The following GPC6 variants were observed in gnomAD, a reference collection of about 807,000 sequenced individuals.
The protein encoded by GPC6 is glypican 6, also known as glypican-6.
Under a neutral mutation model 55.2 loss-of-function variants are expected in GPC6, and 14 were observed. The ratio of observed to expected loss-of-function variants is 0.25; its 90% CI spans 0.17 to 0.40. The LOEUF is 0.40. Among genes scored for constraint, GPC6 ranks in the 10% least tolerant of loss-of-function variants. GPC6 has a pLI of 1.00. For missense variants in GPC6, 641 were observed against 708.5 expected (o/e 0.90, Z 1.08); for synonymous variants, 278 against 259.6 (o/e 1.07, Z -0.68).
intron 3 of GPC6, among the ~76,000 whole-genome samples, chr13:93,923,058 C>T (rs1223626254): frequency 1.3e-5 from 2 of 152,124 alleles, no homozygotes; most frequent in African/African-American, 2.4e-5. Context: ...CAAAGAAAAA[C>T]AAAGAAAAGA....
Position 93,854,264 on chromosome 13 carries a change from A to T in GPC6, c.711+23719A>T, listed in dbSNP as rs116266090. On this transcript the variant is annotated intron_variant, in intron 3 of 8. Transcript: ENST00000377047. ...GAACAGCAATAATCTTTTTTCCTTC[A>T]TCCCATTTCTCGTTTGGAAATCTCT... is the stretch of plus-strand genomic sequence containing the variant. Among the ~76,000 whole-genome samples the T allele has an allele frequency of 4.4e-3, 661 of 151,784 alleles. 4 individuals are homozygous for T. Among genetic ancestry groups the T allele is most frequent in the African/African-American group, 0.015 (613 of 41,498 alleles).
intron 4 of GPC6, among the ~76,000 whole-genome samples, chr13:94,115,687 C>T (rs1176996892): frequency 6.6e-6 from 1 of 152,128 alleles, no homozygotes; most frequent in African/African-American, 2.4e-5. Context: ...GGCCCAGTAA[C>T]TGGAATTCCT....
chr13:93,284,699 ATTTAT>A (rs1455653430), intron 1 of GPC6, among the ~76,000 whole-genome samples: 1 of 152,212 alleles, frequency 6.6e-6, no homozygotes, highest in Non-Finnish European at 1.5e-5. Context: ...CATTCACTCC[ATTTAT>A]GGCAACAAAT....
chr13:93,493,678 C>G (rs1337896641), intron 1 of GPC6, among the ~76,000 whole-genome samples: 52 of 137,902 alleles, frequency 3.8e-4, no homozygotes, highest in Non-Finnish European at 7.1e-4. Flanking sequence ...AAATTTCCCT[C>G]TACACACTGC....
At chr13:93,579,068 G>A (rs1200116433) in intron 2 of GPC6, among the ~76,000 whole-genome samples, 2 of 152,070 alleles carry the variant, frequency 1.3e-5, no homozygotes, top group Non-Finnish European at 2.9e-5. Context: ...AAGATAGAGA[G>A]TAGATTGGTA....
At chr13:93,525,703 A>G (rs913137011) in intron 1 of GPC6, among the ~76,000 whole-genome samples, 3 of 152,148 alleles carry the variant, frequency 2.0e-5, no homozygotes, top group Non-Finnish European at 4.4e-5. Context: ...GCTTGAGGTC[A>G]GTCAATGGAT....
At chr13:94,079,814 GC>G (rs1462229093) in intron 4 of GPC6, among the ~76,000 whole-genome samples, 2 of 152,156 alleles carry the variant, frequency 1.3e-5, no homozygotes, top group African/African-American at 4.8e-5. Context: ...AGACTTTTAA[GC>G]TACCTGGATG....
In GPC6 at chr13:94,109,016, A is replaced by G. The variant is rs369551268; in HGVS notation, c.877+81122A>G. 4.6e-5 allele frequency among the ~76,000 whole-genome samples: 7 copies of G among 152,286 alleles called. No individual in the cohort carries two copies. In the East Asian group the frequency reaches 7.7e-4, roughly 17 times the overall value. On this transcript the variant is annotated intron_variant, in intron 4 of 8. Transcript: ENST00000377047. ...GCCCGAGTTTTATTTTTCAAATAAGATCACCTTTATTATGTTTCCCCTTTC... is the reference window on the plus strand; with the variant it reads ...GCCCGAGTTTTATTTTTCAAATAAGGTCACCTTTATTATGTTTCCCCTTTC...
At chr13:93,333,965 G>A (rs1174812504) in intron 1 of GPC6, among the ~76,000 whole-genome samples, 1 of 152,102 alleles carries the variant, frequency 6.6e-6, no homozygotes, top group Non-Finnish European at 1.5e-5. Context: ...ACTGCAGTGT[G>A]TTTCTTTTCT....
At chr13:93,299,920 T>C (rs1878618045) in intron 1 of GPC6, among the ~76,000 whole-genome samples, 1 of 152,166 alleles carries the variant, frequency 6.6e-6, no homozygotes, top group South Asian at 2.1e-4. Flanking sequence ...TATTCAGAAT[T>C]AATAAAGCAG....
intron 2 of GPC6, among the ~76,000 whole-genome samples, chr13:93,777,545 T>G (rs1423673744): frequency 6.6e-6 from 1 of 152,210 alleles, no homozygotes; most frequent in African/African-American, 2.4e-5. Context: ...ATTACTGGCT[T>G]GGGGAAAAGA....
At chr13:93,795,805 G>T (rs1057170501) in intron 2 of GPC6, among the ~76,000 whole-genome samples, 1 of 152,136 alleles carries the variant, frequency 6.6e-6, no homozygotes, top group South Asian at 2.1e-4. Flanking sequence ...GAACACTGCA[G>T]TATGTACTCA....
Position 93,545,249 on chromosome 13 carries a change from A to T in GPC6, c.161-14A>T, listed in dbSNP as rs1280043090. 3.7e-6 allele frequency: 6 copies of T among 1,607,524 alleles called. No individual in the cohort carries two copies. Among genetic ancestry groups the T allele is most frequent in the Non-Finnish European group, 5.1e-6 (6 of 1,174,150 alleles). On this transcript the variant is annotated splice_polypyrimidine_tract_variant and intron_variant, in intron 1 of 8. Coordinates refer to ENST00000377047, the MANE Select transcript of GPC6 (RefSeq NM_005708.5). ...CCTTAGAATGCAATAGTGACATTTA[A>T]CTTCTCATTGCAGGGGAACACTTAA...
chr13:93,244,658 T>A (rs1469437824), intron 1 of GPC6, among the ~76,000 whole-genome samples: 2 of 152,162 alleles, frequency 1.3e-5, no homozygotes, highest in Non-Finnish European at 2.9e-5. Context: ...AGCTCCCCCA[T>A]GGCCTGGATT....
chr13:93,711,422 T>G (rs542927654), intron 2 of GPC6, among the ~76,000 whole-genome samples: 1 of 151,722 alleles, frequency 6.6e-6, no homozygotes, highest in Non-Finnish European at 1.5e-5. Flanking sequence ...GACCTCCTAC[T>G]GCCCTCCCTC....
chr13:94,133,350 T>C (rs1001638825), intron 4 of GPC6, among the ~76,000 whole-genome samples: 2 of 142,834 alleles, frequency 1.4e-5, no homozygotes, highest in African/African-American at 5.2e-5. Context: ...ACTCTTAAAA[T>C]ATAAGATGTG....
At chr13:93,624,269 C>A (rs1177844538) in intron 2 of GPC6, among the ~76,000 whole-genome samples, 1 of 152,146 alleles carries the variant, frequency 6.6e-6, no homozygotes, top group Non-Finnish European at 1.5e-5. Flanking sequence ...GACCCAGTAA[C>A]TAGCAGCACA....
intron 1 of GPC6, among the ~76,000 whole-genome samples, chr13:93,339,783 T>C (rs7339245): frequency 0.074 from 11,198 of 152,242 alleles, 519 homozygotes; most frequent in East Asian, 0.12. Flanking sequence ...TAATGTTTTG[T>C]GAAATACAGG....
intron 1 of GPC6, among the ~76,000 whole-genome samples, chr13:93,459,357 T>C (rs1230880562): frequency 1.3e-5 from 2 of 152,272 alleles, no homozygotes; most frequent in Non-Finnish European, 2.9e-5. Flanking sequence ...TGAGCCAACA[T>C]GTCTGGCCTA....
Sources: gnomAD v4.1 joint callset for allele counts (sites outside exome capture counted in the v4.1 genomes callset) on GRCh38, gnomAD v4.1.1 for gene constraint, MANE v1.5 for transcripts, NCBI Gene and HGNC (gene_info 2026-07-23, HGNC 2026-07-21) for gene names.